Variants in PLEKHG2 observed in about 807,000 individuals in gnomAD.
PLEKHG2 encodes the protein pleckstrin homology domain-containing family G member 2.
PLEKHG2 carries 71 observed loss-of-function variants against 104.4 expected under a neutral mutation model. The ratio of observed to expected loss-of-function variants is 0.68; its 90% confidence interval spans 0.56 to 0.83. The LOEUF (loss-of-function observed/expected upper bound fraction) is 0.83, where lower values mean the gene tolerates loss of function less well. Ranked by LOEUF, PLEKHG2 falls within the 40% of genes least tolerant of loss-of-function variation. PLEKHG2 has a pLI of 0.00. For missense variants in PLEKHG2, 1,730 were observed against 1,809.4 expected (o/e 0.96, Z 0.80); for synonymous variants, 728 against 737.0 (o/e 0.99, Z 0.20).
In PLEKHG2 at chr19:39,425,097, C is replaced by A; in HGVS notation, c.3964C>A (p.Gln1322Lys). The A allele has an allele frequency of 1.9e-6, 3 of 1,588,668 alleles. No homozygotes were observed. Among genetic ancestry groups the A allele is most frequent in the Non-Finnish European group, 2.6e-6 (3 of 1,167,524 alleles). The part of the protein sequence containing the change: ...PTSRASSPPP[Q>K]PQPPPPPARR... ...GTCACGGGCATCTTCGCCGCCCCCCCAGCCCCAGCCACCACCTCCCCCAGC... is the reference window on the plus strand; with the variant it reads ...GTCACGGGCATCTTCGCCGCCCCCCAAGCCCCAGCCACCACCTCCCCCAGC... Residue 1322 changes from glutamine to lysine, a missense_variant, in exon 19 of 19, where the codon CAG becomes AAG. Coordinates refer to ENST00000425673, the MANE Select transcript of PLEKHG2 (RefSeq NM_022835.3).
intron 11 of PLEKHG2, among the ~76,000 whole-genome samples, chr19:39,419,659 C>T (rs1469625725): frequency 1.3e-5 from 2 of 151,898 alleles, no homozygotes; most frequent in African/African-American, 4.8e-5. Flanking sequence ...GGGCGGATCA[C>T]GAGGTCCGGA....
At chr19:39,418,207 A>G (rs1424239769) in intron 9 of PLEKHG2, 102 bp downstream of exon 9, 3 of 1,058,560 alleles carry the variant, frequency 2.8e-6, no homozygotes, top group South Asian at 3.1e-5. Context: ...ACCCTGCCAC[A>G]TTTTCTTGAG....
At chr19:39,417,064 G>A in intron 7 of PLEKHG2, 64 bp downstream of exon 7, 1 of 1,509,698 alleles carries the variant, frequency 6.6e-7, no homozygotes, top group Non-Finnish European at 8.9e-7. Context: ...CCACCTGTTG[G>A]TTCATCTGGA....
At chr19:39,414,297 AGCTCC>A in intron 2 of PLEKHG2, 102 bp downstream of exon 2, 3 of 1,225,708 alleles carry the variant, frequency 2.4e-6, no homozygotes, top group Non-Finnish European at 3.5e-6. Flanking sequence ...ACTCGCACAA[AGCTCC>A]GAGTCTGGTG....
intron 15 of PLEKHG2, 36 bp from the exon 16 acceptor site, chr19:39,421,247 C>T: frequency 6.2e-7 from 1 of 1,613,666 alleles, no homozygotes; most frequent in Non-Finnish European, 8.5e-7. Flanking sequence ...TTACATCTCA[C>T]TAATGCTTCT....
chr19:39,417,868 T>A (rs1206440200), intron 8 of PLEKHG2, 37 bp from the exon 9 acceptor site: 7 of 1,519,234 alleles, frequency 4.6e-6, no homozygotes, highest in Non-Finnish European at 6.2e-6. Context: ...CCCATGCTTG[T>A]CTCTGCGCCC....
Position 39,420,947 on chromosome 19 carries a change from A to G in PLEKHG2, c.1400-2A>G. The G allele has an allele frequency of 6.2e-7, 1 of 1,613,946 alleles. No homozygotes were observed. The highest frequency in any genetic ancestry group is 8.5e-7 in the Non-Finnish European group (1 of 1,179,980). On this transcript the variant is annotated splice_acceptor_variant, in intron 13 of 18. Transcript: ENST00000425673. LOFTEE classifies it high-confidence loss of function. ...ACAGGGCTCTGGCCCTCCCTCCCACAGCTCCATCTCCTGGGCCCTCTGTGA... is the reference window on the plus strand; with the variant it reads ...ACAGGGCTCTGGCCCTCCCTCCCACGGCTCCATCTCCTGGGCCCTCTGTGA...
At chr19:39,418,436 G>A (rs181784105) in intron 9 of PLEKHG2, among the ~76,000 whole-genome samples, 3 of 152,210 alleles carry the variant, frequency 2.0e-5, no homozygotes, top group East Asian at 3.9e-4. Context: ...AAAATTAGCT[G>A]GACGTGGTGG....
At position 39,423,325 on chromosome 19, in the gene PLEKHG2, T is replaced by A; in HGVS notation, c.2271T>A (p.Asp757Glu). Residue 757 changes from aspartate (D) to glutamate (E), a missense_variant, in exon 18 of 19, where the codon GAT (aspartate) becomes GAA (glutamate). Coordinates refer to ENST00000425673, the MANE Select transcript of PLEKHG2 (RefSeq NM_022835.3). ...TCACCCAACATCAGGGATTCCCAGA[T>A]GAGCTGGCATTCCGCTCTTGCTCAG... is the stretch of plus-strand genomic sequence containing the variant. ...QDVTQHQGFPDELAFRSCSEI... is the reference protein window; with the variant it reads ...QDVTQHQGFPEELAFRSCSEI... The A allele has an allele frequency of 6.2e-7, 1 of 1,614,066 alleles. No homozygotes were observed.
At chr19:39,420,020 T>C (rs2078673649) in intron 11 of PLEKHG2, among the ~76,000 whole-genome samples, 1 of 152,042 alleles carries the variant, frequency 6.6e-6, no homozygotes, top group Admixed American at 6.5e-5. Flanking sequence ...GCCATTGCAC[T>C]CCAGCCTGGG....
Position 39,424,107 on chromosome 19 carries a change from A to G in PLEKHG2, c.2974A>G (p.Arg992Gly). 6.2e-7 allele frequency: 1 copy of G among 1,613,982 alleles called. No homozygotes were observed. Among genetic ancestry groups the G allele is most frequent in the Non-Finnish European group, 8.5e-7 (1 of 1,179,960 alleles). The change falls in exon 19 of 19, where the codon AGA becomes GGA. Residue 992 changes from arginine to glycine, a missense_variant. Arg to Gly is a moderately radical substitution (Grantham distance 125). Transcript: ENST00000425673. ...AGCCACCACTCCTTTGCCTGAGCAT[A>G]GAAGTCACATGGTTATACCAGCTCC... ...VPATTPLPEH[R>G]SHMVIPAPST...
intron 8 of PLEKHG2, 64 bp downstream of exon 8, chr19:39,417,756 T>TGGGGGCTGGGGGGGGGGG: frequency 2.9e-6 from 1 of 343,354 alleles, no homozygotes; most frequent in Non-Finnish European, 4.4e-6. Flanking sequence ...TTGGGGCGGG[T>TGGGGGCTGGGGGGGGGGG]GGGGGGAAAT....
At position 39,422,204 on chromosome 19, in the gene PLEKHG2, A is replaced by G; in HGVS notation, c.1593A>G (p.Gly531=). ...CCCCTGAGGACCTGGAGGATGCTGG[A>G]CCCCCAACACTGGACCCCTCTGGGA... ...SAPPEDLEDA[G]PPTLDPSGTS... is the part of the protein sequence containing the mutation. Residue 531 remains glycine (G), a synonymous_variant, in exon 17 of 19, where the codon GGA becomes GGG. Transcript: ENST00000425673. 1.9e-6 allele frequency: 3 copies of G among 1,613,626 alleles called. No individual in the cohort carries two copies. The highest frequency in any genetic ancestry group is 2.5e-6 in the Non-Finnish European group (3 of 1,179,876).
rs372864887 is a variant in PLEKHG2, at chr19:39,424,270, A to T, written c.3137A>T (p.Asp1046Val). Reference sequence around the variant, plus strand: ...GTGCCCAAGCAAGAAGGTCACCTAGACAGCGAGAGCCCAACCAATATCCCA... The same window carrying T: ...GTGCCCAAGCAAGAAGGTCACCTAGTCAGCGAGAGCCCAACCAATATCCCA... ...TPVPKQEGHL[D>V]SESPTNIPLT... The change falls in exon 19 of 19, where the codon GAC becomes GTC. Residue 1046 changes from aspartate to valine, a missense_variant. Transcript: ENST00000425673. 5 of 1,614,010 alleles carry T rather than the reference A, an allele frequency of 3.1e-6. No individual in the cohort carries two copies. Among genetic ancestry groups the T allele is most frequent in the Non-Finnish European group, 4.2e-6 (5 of 1,180,034 alleles).
chr19:39,428,374 CAG>C lies in PLEKHG2; in HGVS notation c.*3081_*3082del. 6.6e-6 allele frequency: 1 copy of C among 152,246 alleles called. No individual in the cohort carries two copies. The allele number at this position is 152,246 out of a possible 1,614,324, so 9.4% of individuals were successfully genotyped here. ...AATTAGCTGAGCACAGTTGCCAGCACAGGGCCTGGCTCAATAAATATTAGCTG... is the reference window on the plus strand; with the variant it reads ...AATTAGCTGAGCACAGTTGCCAGCACGGCCTGGCTCAATAAATATTAGCTG... On this transcript the variant is annotated 3_prime_UTR_variant, in exon 19 of 19. Coordinates refer to ENST00000425673, the MANE Select transcript of PLEKHG2 (RefSeq NM_022835.3).
chr19:39,424,038 C>G lies in PLEKHG2; in HGVS notation c.2905C>G (p.Leu969Val), dbSNP rs150289778. ...CCCCCTGCACCTCCAGGTGCCGGCT[C>G]TTACAACTTTCTCTGATCAAGGCCA... ...EGPLHLQVPA[L>V]TTFSDQGHPE... The change falls in exon 19 of 19, where the codon CTT becomes GTT. Residue 969 changes from leucine (L) to valine (V), a missense_variant. By Grantham distance (32) the Leu-to-Val change is conservative. Transcript: ENST00000425673. 71 of 1,613,858 alleles carry G rather than the reference C, an allele frequency of 4.4e-5. No homozygotes were observed. In the African/African-American group the frequency reaches 9.1e-4, roughly 21 times the overall value.
chr19:39,420,814 G>A lies in PLEKHG2; in HGVS notation c.1361G>A (p.Arg454Gln), dbSNP rs762219900. ...LTPPLGSPRP[R>Q]DARSFTPGRR... ...CCCCCACTTGGGTCTCCTCGACCTC[G>A]AGATGCTAGAAGTTTTACCCCTGGG... Residue 454 changes from arginine to glutamine, a missense_variant, in exon 13 of 19, where the codon CGA becomes CAA. Transcript: ENST00000425673. 32 of 1,614,012 alleles carry A rather than the reference G, an allele frequency of 2.0e-5. No homozygotes were observed. The highest frequency in any genetic ancestry group is 1.2e-4 in the South Asian group (11 of 91,078).
chr19:39,424,663 C>G lies in PLEKHG2; in HGVS notation c.3530C>G (p.Ala1177Gly). The G allele has an allele frequency of 6.2e-7, 1 of 1,614,192 alleles. No individual in the cohort carries two copies. The highest frequency in any genetic ancestry group is 8.5e-7 in the Non-Finnish European group (1 of 1,180,036). The change falls in exon 19 of 19, where the codon GCT (alanine) becomes GGT (glycine). Residue 1177 changes from alanine (A) to glycine (G), a missense_variant. Physicochemically the swap from Ala to Gly is moderately conservative, Grantham distance 60. Transcript: ENST00000425673. ...CTCCCAGACATCCAGGGTCCAGCGG[C>G]TGCACCTCCACTTCCGGAGCCAAGC... ...GSLPDIQGPAAAPPLPEPSLT... is the reference protein window; with the variant it reads ...GSLPDIQGPAGAPPLPEPSLT...
intron 17 of PLEKHG2, 149 bp from the exon 18 acceptor site, chr19:39,422,583 T>A: frequency 9.9e-7 from 1 of 1,008,310 alleles, no homozygotes; most frequent in South Asian, 2.7e-5. Context: ...GAGACAGGGT[T>A]TCACTATGTT....
Sources: gnomAD v4.1 joint callset for allele counts (sites outside exome capture counted in the v4.1 genomes callset) on GRCh38, gnomAD v4.1.1 for gene constraint, MANE v1.5 for transcripts, NCBI Gene and HGNC (gene_info 2026-07-23, HGNC 2026-07-21) for gene names.